The following LDLRAD3 variants were observed in gnomAD, a reference collection of about 807,000 sequenced individuals.
LDLRAD3 encodes the protein low density lipoprotein receptor class A domain containing 3.
Under a neutral mutation model 29.4 loss-of-function variants are expected in LDLRAD3, and 20 were observed. The observed-to-expected ratio is 0.68, with a 90% CI of 0.48 to 0.99. The LOEUF is 0.99. Among genes scored for constraint, LDLRAD3 ranks in the 50% least tolerant of loss-of-function variants. LDLRAD3 has a pLI of 0.00. For synonymous variants in LDLRAD3, 157 were observed against 192.7 expected (o/e 0.81, Z 1.53); for missense variants, 420 against 454.3 (o/e 0.92, Z 0.69).
intron 1 of LDLRAD3, among the ~76,000 whole-genome samples, chr11:35,981,559 C>T (rs1851541902): frequency 6.6e-6 from 1 of 152,094 alleles, no homozygotes; most frequent in African/African-American, 2.4e-5. Flanking sequence ...GTTTTCAGAT[C>T]CTCAGATTTT....
rs59122733 is a variant in LDLRAD3, at chr11:36,029,244, A to AAAACAAAC, written c.47-6839_47-6832dup. Among the ~76,000 whole-genome samples the AAAACAAAC allele has an allele frequency of 6.0e-5, 9 of 151,132 alleles. No individual in the cohort carries two copies. In the South Asian group the frequency reaches 6.3e-4, roughly 11 times the overall value. ...TGGCAACAGAGTAAGACTCCATCTC[A>AAAACAAAC]AAACAAACAAACAAACAAACAAACA... On this transcript the variant is annotated intron_variant, in intron 1 of 5. Transcript: ENST00000315571.
intron 1 of LDLRAD3, among the ~76,000 whole-genome samples, chr11:36,002,399 C>G (rs988052750): frequency 6.6e-6 from 1 of 152,210 alleles, no homozygotes; most frequent in Non-Finnish European, 1.5e-5. Context: ...TGTTGTCACT[C>G]CTTCCTGTGT....
chr11:36,141,564 G>C (rs1854087129), intron 4 of LDLRAD3, among the ~76,000 whole-genome samples: 1 of 152,144 alleles, frequency 6.6e-6, no homozygotes, highest in South Asian at 2.1e-4. Flanking sequence ...ATGCTTACTG[G>C]GTCGTTGGTC....
chr11:36,117,518 G>T (rs981903665), intron 4 of LDLRAD3, among the ~76,000 whole-genome samples: 1 of 152,222 alleles, frequency 6.6e-6, no homozygotes, highest in African/African-American at 2.4e-5. Flanking sequence ...CTGTATCTCA[G>T]TAATGTATTT....
intron 2 of LDLRAD3, among the ~76,000 whole-genome samples, chr11:36,039,172 T>G (rs1196070763): frequency 6.6e-6 from 1 of 152,184 alleles, no homozygotes; most frequent in East Asian, 1.9e-4. Flanking sequence ...GGTTTCACCG[T>G]GTTAGCCAGG....
At chr11:36,150,762 T>A (rs887421843) in intron 4 of LDLRAD3, among the ~76,000 whole-genome samples, 4 of 145,834 alleles carry the variant, frequency 2.7e-5, no homozygotes, top group African/African-American at 1.0e-4. Context: ...TTCAAAAAAA[T>A]AAATAAATAA....
At chr11:35,995,015 G>A (rs1851736272) in intron 1 of LDLRAD3, among the ~76,000 whole-genome samples, 1 of 152,122 alleles carries the variant, frequency 6.6e-6, no homozygotes, top group African/African-American at 2.4e-5. Flanking sequence ...CATTTGTGAG[G>A]GTTGGAATCA....
At chr11:35,959,686 C>A (rs1263810227) in intron 1 of LDLRAD3, among the ~76,000 whole-genome samples, 2 of 152,120 alleles carry the variant, frequency 1.3e-5, no homozygotes, top group South Asian at 2.1e-4. Context: ...CTTTGGGAGG[C>A]TGAGGCTGGT....
At chr11:36,225,772 A>G (rs1190013450) in intron 4 of LDLRAD3, among the ~76,000 whole-genome samples, 1 of 152,060 alleles carries the variant, frequency 6.6e-6, no homozygotes, top group East Asian at 1.9e-4. Flanking sequence ...GAGAGATGTG[A>G]TATAAAGCAT....
intron 2 of LDLRAD3, among the ~76,000 whole-genome samples, chr11:36,077,174 G>A (rs536587461): frequency 6.6e-6 from 1 of 152,112 alleles, no homozygotes; most frequent in Non-Finnish European, 1.5e-5. Context: ...TCTGATATCA[G>A]TTCCCCATGT....
chr11:36,131,079 C>G (rs2133305879), intron 4 of LDLRAD3, among the ~76,000 whole-genome samples: 1 of 152,338 alleles, frequency 6.6e-6, no homozygotes, highest in East Asian at 1.9e-4. Context: ...GGGTGGCCAA[C>G]CAGAGGAGCA....
chr11:36,230,945 T>C lies in LDLRAD3; in HGVS notation c.*1548T>C, dbSNP rs1265719342. 6.6e-6 allele frequency: 1 copy of C among 152,378 alleles called. No homozygotes were observed. The highest frequency in any genetic ancestry group is 1.5e-5 in the Non-Finnish European group (1 of 68,028). The allele number at this position is 152,378 out of a possible 1,614,324, so 9.4% of individuals were successfully genotyped here. A position where few individuals can be genotyped will look rare whatever the true frequency, so the allele number is the denominator to read the frequency against. The stretch of plus-strand genomic sequence containing the variant: ...CCTCCGTGTATAGTCTCTATGTTTG[T>C]GCTAGTTTTTCTTTTTTTTCTCTGT... On this transcript the variant is annotated 3_prime_UTR_variant, in exon 6 of 6. Coordinates refer to ENST00000315571, the MANE Select transcript of LDLRAD3 (RefSeq NM_174902.4).
At chr11:36,093,985 G>A (rs1156840571) in intron 3 of LDLRAD3, among the ~76,000 whole-genome samples, 1 of 152,246 alleles carries the variant, frequency 6.6e-6, no homozygotes, top group Non-Finnish European at 1.5e-5. Flanking sequence ...GTAGGTATAT[G>A]TAAAATAGGT....
At chr11:36,138,022 C>G (rs1854027034) in intron 4 of LDLRAD3, among the ~76,000 whole-genome samples, 1 of 152,214 alleles carries the variant, frequency 6.6e-6, no homozygotes, top group Non-Finnish European at 1.5e-5. Context: ...CCATACGTAA[C>G]TCAGGGGCCC....
chr11:36,157,571 T>C (rs971397892), intron 4 of LDLRAD3, among the ~76,000 whole-genome samples: 1 of 152,202 alleles, frequency 6.6e-6, no homozygotes, highest in East Asian at 1.9e-4. Context: ...AAACTGCCCA[T>C]GAGTTAAACT....
intron 1 of LDLRAD3, among the ~76,000 whole-genome samples, chr11:35,982,683 C>T (rs912910541): frequency 6.6e-6 from 1 of 151,918 alleles, no homozygotes; most frequent in Non-Finnish European, 1.5e-5. Context: ...GTCTGTCATC[C>T]CCCTTCCTCT....
chr11:36,192,842 C>T (rs1205468847), intron 4 of LDLRAD3, among the ~76,000 whole-genome samples: 1 of 152,120 alleles, frequency 6.6e-6, no homozygotes, highest in African/African-American at 2.4e-5. Flanking sequence ...CCTCAGGGGC[C>T]AAATGCACAT....
intron 1 of LDLRAD3, chr11:35,997,486 G>T: frequency 2.6e-6 from 1 of 387,768 alleles, no homozygotes; most frequent in South Asian, 2.3e-5. Flanking sequence ...GGTCTGTTCT[G>T]AATGGTCAGT....
intron 4 of LDLRAD3, among the ~76,000 whole-genome samples, chr11:36,206,490 G>A (rs564018674): frequency 1.3e-5 from 2 of 152,170 alleles, no homozygotes; most frequent in Non-Finnish European, 2.9e-5. Context: ...ACAGTGGGAG[G>A]CAGAGGCAGA....
Sources: allele counts gnomAD v4.1 joint callset (sites outside exome capture counted in the v4.1 genomes callset), GRCh38; gene constraint gnomAD v4.1.1; transcripts MANE v1.5; gene names NCBI Gene and HGNC (gene_info 2026-07-23, HGNC 2026-07-21).